Variants in ST8SIA2 observed in about 807,000 individuals in gnomAD.
ST8SIA2 encodes alpha-2,8-sialyltransferase 8B.
Under a neutral mutation model 37.6 loss-of-function variants are expected in ST8SIA2, and 22 were observed. That is an observed-to-expected ratio of 0.58 (90% CI 0.42 to 0.83). The LOEUF (loss-of-function observed/expected upper bound fraction) is 0.83, where lower values mean the gene tolerates loss of function less well. Ranked by LOEUF, ST8SIA2 falls within the 40% of genes least tolerant of loss-of-function variation. The probability of loss-of-function intolerance (pLI) is 0.00; values close to 1 mark genes in which losing one functional copy is unlikely to be tolerated. For missense variants in ST8SIA2, 382 were observed against 484.7 expected (o/e 0.79, Z 1.99); for synonymous variants, 205 against 201.2 (o/e 1.02, Z -0.16).
intron 1 of ST8SIA2, 87 bp downstream of exon 1, chr15:92,394,249 G>T: frequency 8.5e-7 from 1 of 1,180,310 alleles, no homozygotes; most frequent in South Asian, 1.3e-5. Flanking sequence ...CCCCCTTTGT[G>T]TGCGCCGCGC....
chr15:92,454,006 G>A (rs1726517029), intron 5 of ST8SIA2, among the ~76,000 whole-genome samples: 1 of 152,170 alleles, frequency 6.6e-6, no homozygotes, highest in Admixed American at 6.5e-5. Flanking sequence ...CAGCATCTTT[G>A]GAGATATTCA....
intron 1 of ST8SIA2, among the ~76,000 whole-genome samples, chr15:92,400,352 A>G (rs2049461328): frequency 6.6e-6 from 1 of 152,216 alleles, no homozygotes; most frequent in African/African-American, 2.4e-5. Context: ...AATGAAGCCT[A>G]TTAAATATTT....
At chr15:92,457,507 C>CTGGGAT (rs2049927951) in intron 5 of ST8SIA2, among the ~76,000 whole-genome samples, 1 of 152,196 alleles carries the variant, frequency 6.6e-6, no homozygotes. Context: ...AATCTCAAGA[C>CTGGGAT]TGGGATATTA....
chr15:92,405,701 C>A (rs1357157437), intron 1 of ST8SIA2, among the ~76,000 whole-genome samples: 1 of 152,194 alleles, frequency 6.6e-6, no homozygotes, highest in African/African-American at 2.4e-5. Context: ...TGGCTATAGA[C>A]ACAGAATTAG....
At chr15:92,461,038 G>A (rs1040580919) in intron 5 of ST8SIA2, among the ~76,000 whole-genome samples, 1 of 152,176 alleles carries the variant, frequency 6.6e-6, no homozygotes, top group Non-Finnish European at 1.5e-5. Context: ...TTTGGAGAGA[G>A]AGAAAGGGGC....
chr15:92,412,840 G>T (rs772841617), intron 1 of ST8SIA2, among the ~76,000 whole-genome samples: 9 of 151,988 alleles, frequency 5.9e-5, no homozygotes, highest in Non-Finnish European at 1.3e-4. Context: ...TGTATTTTTA[G>T]TAGGAATGGG....
rs141457407 is a variant in ST8SIA2, at chr15:92,459,146, T to C, written c.843-4954T>C. 2.7e-3 allele frequency among the ~76,000 whole-genome samples: 413 copies of C among 152,308 alleles called. 2 individuals carry two copies. The highest frequency in any genetic ancestry group is 0.014 in the South Asian group (66 of 4,818). ...TCTCTCCCCCTTTCTGGTCATAACA[T>C]TGATGGCCTGAAAAGAAATTCATTT... On this transcript the variant is annotated intron_variant, in intron 5 of 5. Transcript: ENST00000268164.
chr15:92,462,797 A>G (rs1192108380), intron 5 of ST8SIA2, among the ~76,000 whole-genome samples: 1 of 152,252 alleles, frequency 6.6e-6, no homozygotes, highest in Non-Finnish European at 1.5e-5. Context: ...AGCCATAAGC[A>G]TTGCCTTTTA....
chr15:92,446,495 A>G (rs985100242), intron 5 of ST8SIA2, among the ~76,000 whole-genome samples: 9 of 152,230 alleles, frequency 5.9e-5, no homozygotes, highest in African/African-American at 2.2e-4. Flanking sequence ...CAATTTGTGT[A>G]CATGTTTTAA....
At chr15:92,406,962 C>A (rs2049511886) in intron 1 of ST8SIA2, among the ~76,000 whole-genome samples, 1 of 149,814 alleles carries the variant, frequency 6.7e-6, no homozygotes, top group Non-Finnish European at 1.5e-5. Context: ...CCATTACACT[C>A]CAGCCTGGGC....
At chr15:92,460,709 C>T (rs2049951327) in intron 5 of ST8SIA2, among the ~76,000 whole-genome samples, 3 of 152,230 alleles carry the variant, frequency 2.0e-5, no homozygotes, top group Admixed American at 6.5e-5. Flanking sequence ...AGCAAAGGGC[C>T]GTGTGGGGTA....
In ST8SIA2 at chr15:92,464,289, C is replaced by T; in HGVS notation, c.1032C>T (p.Ser344=). The T allele has an allele frequency of 6.2e-7, 1 of 1,613,984 alleles. No homozygotes were observed. Among genetic ancestry groups the T allele is most frequent in the Non-Finnish European group, 8.5e-7 (1 of 1,180,006 alleles). The change falls in exon 6 of 6, where the codon AGC becomes AGT. Residue 344 remains serine, a synonymous_variant. Transcript: ENST00000268164. The part of the protein sequence containing the change: ...SLKYGYTSQA[S]PHTMPLEFKA... The stretch of plus-strand genomic sequence containing the variant: ...AGTATGGCTACACCTCCCAGGCCAG[C>T]CCGCATACCATGCCCTTGGAGTTTA...
intron 5 of ST8SIA2, among the ~76,000 whole-genome samples, chr15:92,460,369 ACTT>A (rs2049948967): frequency 2.0e-5 from 3 of 152,302 alleles, no homozygotes; most frequent in Middle Eastern, 3.4e-3. Flanking sequence ...TAGGTTGAGA[ACTT>A]CTGCATTAGA....
Position 92,464,612 on chromosome 15 carries a change from A to G in ST8SIA2, c.*227A>G. 1 of 591,242 alleles carries G rather than the reference A, an allele frequency of 1.7e-6. No individual in the cohort carries two copies. 36.6% of individuals were successfully genotyped at this position (591,242 alleles called of 1,614,324 possible). A position where few individuals can be genotyped will look rare whatever the true frequency, so the allele number is the denominator to read the frequency against. On this transcript the variant is annotated 3_prime_UTR_variant, in exon 6 of 6. Coordinates refer to ENST00000268164, the MANE Select transcript of ST8SIA2 (RefSeq NM_006011.4). ...AGCATTAGGCAGATAGGCCACAGGA[A>G]GAAGGTGTGGAGAACCCACCTGAAC...
At chr15:92,397,829 G>A (rs1439849988) in intron 1 of ST8SIA2, among the ~76,000 whole-genome samples, 1 of 152,088 alleles carries the variant, frequency 6.6e-6, no homozygotes, top group Non-Finnish European at 1.5e-5. Context: ...AGCATCCTTG[G>A]GCAAAGTTGA....
chr15:92,420,840 G>A (rs1287790717), intron 1 of ST8SIA2: 1 of 152,248 alleles, frequency 6.6e-6, no homozygotes, highest in Non-Finnish European at 1.5e-5. Context: ...GTGCCCAGCG[G>A]TGTCTCAGTA....
chr15:92,408,703 T>TTATG (rs2049527120), intron 1 of ST8SIA2, among the ~76,000 whole-genome samples: 1 of 150,406 alleles, frequency 6.6e-6, no homozygotes, highest in African/African-American at 2.4e-5. Context: ...ATTTATTTAT[T>TTATG]TATTTATTTA....
At chr15:92,439,637 T>A (rs979898770) in intron 4 of ST8SIA2, among the ~76,000 whole-genome samples, 7 of 152,164 alleles carry the variant, frequency 4.6e-5, no homozygotes, top group Non-Finnish European at 1.0e-4. Context: ...AGAAACCGTG[T>A]CTTTACTCTT....
chr15:92,454,959 A>T (rs2049910096), intron 5 of ST8SIA2, among the ~76,000 whole-genome samples: 1 of 151,764 alleles, frequency 6.6e-6, no homozygotes, highest in African/African-American at 2.4e-5. Flanking sequence ...AGGCCTGTGA[A>T]TTGGTGCTTA....
Sources: gnomAD v4.1 joint callset for allele counts (sites outside exome capture counted in the v4.1 genomes callset) on GRCh38, gnomAD v4.1.1 for gene constraint, MANE v1.5 for transcripts, NCBI Gene and HGNC (gene_info 2026-07-23, HGNC 2026-07-21) for gene names.